Variants in CCDC148 observed in about 807,000 individuals in gnomAD.
The protein encoded by CCDC148 is coiled-coil domain-containing protein 148.
Under a neutral mutation model 85.7 loss-of-function variants are expected in CCDC148, and 89 were observed. That is an observed-to-expected ratio of 1.04 (90% CI 0.87 to 1.24). The LOEUF (loss-of-function observed/expected upper bound fraction) is 1.24, where lower values mean the gene tolerates loss of function less well. CCDC148 is among the 50% of genes most tolerant of loss of function. The probability of loss-of-function intolerance (pLI) is 0.00; values close to 1 mark genes in which losing one functional copy is unlikely to be tolerated. For missense variants in CCDC148, 692 were observed against 671.7 expected (o/e 1.03, Z -0.33); for synonymous variants, 230 against 213.9 (o/e 1.08, Z -0.66).
intron 1 of CCDC148, among the ~76,000 whole-genome samples, chr2:158,424,548 C>A (rs185694295): frequency 1.6e-4 from 25 of 151,946 alleles, no homozygotes; most frequent in Admixed American, 1.5e-3. Context: ...TGGGGAATAT[C>A]ACACACCAGG....
At chr2:158,177,628 T>G (rs1684657316) in intron 12 of CCDC148, among the ~76,000 whole-genome samples, 1 of 152,130 alleles carries the variant, frequency 6.6e-6, no homozygotes, top group African/African-American at 2.4e-5. Flanking sequence ...TGACATTAAG[T>G]CTTGTACCCA....
chr2:158,263,727 A>G (rs758738713), intron 9 of CCDC148, among the ~76,000 whole-genome samples: 40 of 152,154 alleles, frequency 2.6e-4, no homozygotes, highest in Non-Finnish European at 5.1e-4. Context: ...GCTGTGCTTA[A>G]AAATAAAATA....
intron 11 of CCDC148, among the ~76,000 whole-genome samples, chr2:158,185,174 A>G (rs901270793): frequency 4.6e-5 from 7 of 152,134 alleles, no homozygotes; most frequent in South Asian, 4.1e-4. Flanking sequence ...CCCAGCCCCT[A>G]TGGCCCTGAC....
intron 1 of CCDC148, among the ~76,000 whole-genome samples, chr2:158,382,504 CAT>C (rs1156826914): frequency 1.3e-5 from 2 of 152,166 alleles, no homozygotes; most frequent in Admixed American, 6.5e-5. Flanking sequence ...TCTTCTCTGA[CAT>C]ATGTATTAAC....
Position 158,378,570 on chromosome 2 carries a change from T to C in CCDC148, c.26-20000A>G, listed in dbSNP as rs141302987. 1.7e-3 allele frequency among the ~76,000 whole-genome samples: 254 copies of C among 152,236 alleles called. 1 individual carries two copies. Among genetic ancestry groups the C allele is most frequent in the African/African-American group, 5.9e-3 (244 of 41,572 alleles). ...TGAAAGAAAATGCCATCTAGGACTT[T>C]CATAGCCAGAGATGAAAAAACAATG... On this transcript the variant is annotated intron_variant, in intron 1 of 13. Coordinates refer to ENST00000283233, the MANE Select transcript of CCDC148 (RefSeq NM_138803.4).
chr2:158,217,435 C>T (rs1311431594), intron 11 of CCDC148, among the ~76,000 whole-genome samples: 1 of 150,060 alleles, frequency 6.7e-6, no homozygotes, highest in Non-Finnish European at 1.5e-5. Context: ...TGGCGTCTCG[C>T]TCTGTTGCCC....
intron 11 of CCDC148, among the ~76,000 whole-genome samples, chr2:158,202,823 G>GAGGGCCAGAT (rs1558978251): frequency 1.3e-5 from 2 of 152,194 alleles, no homozygotes; most frequent in Non-Finnish European, 2.9e-5. Context: ...AAAACAGGCA[G>GAGGGCCAGAT]AGGGCCAGAT....
At chr2:158,429,572 C>T (rs1687243730) in intron 1 of CCDC148, among the ~76,000 whole-genome samples, 1 of 152,026 alleles carries the variant, frequency 6.6e-6, no homozygotes, top group South Asian at 2.1e-4. Flanking sequence ...AAGAAGGAGC[C>T]AATAACATCC....
intron 9 of CCDC148, among the ~76,000 whole-genome samples, chr2:158,299,406 C>T (rs1248329378): frequency 6.6e-6 from 1 of 152,174 alleles, no homozygotes; most frequent in East Asian, 1.9e-4. Context: ...TAGTATCCTG[C>T]CCCCAAATTG....
intron 9 of CCDC148, among the ~76,000 whole-genome samples, chr2:158,284,059 AC>A (rs1690489771): frequency 6.9e-6 from 1 of 144,322 alleles, no homozygotes; most frequent in Non-Finnish European, 1.5e-5. Context: ...TCTCACTCAT[AC>A]GTGGGAATTG....
intron 7 of CCDC148, among the ~76,000 whole-genome samples, chr2:158,327,316 T>C (rs1328921135): frequency 6.6e-6 from 1 of 152,168 alleles, no homozygotes; most frequent in Non-Finnish European, 1.5e-5. Context: ...TCTGTTAAGA[T>C]TTAGTTGCAG....
rs567521020 is a variant in CCDC148 at position 158,245,688 on chromosome 2, G to A, written c.1251+5084C>T. On this transcript the variant is annotated intron_variant, in intron 10 of 13. Transcript: ENST00000283233. ...CAATAATGCAGAGAAATTTTTCTGT[G>A]ATTTAAGCTAGACAAAGAGCCACAT... Among the ~76,000 whole-genome samples, 82 of 152,222 alleles carry A rather than the reference G, an allele frequency of 5.4e-4. 1 individual carries two copies. The South Asian group carries it at 0.015, about 28-fold the overall frequency.
At chr2:158,423,899 T>C (rs1686936052) in intron 1 of CCDC148, among the ~76,000 whole-genome samples, 1 of 152,070 alleles carries the variant, frequency 6.6e-6, no homozygotes, top group Non-Finnish European at 1.5e-5. Flanking sequence ...CATCAAAAAG[T>C]GGGTGAAGGA....
At chr2:158,299,972 C>T (rs889918251) in intron 9 of CCDC148, among the ~76,000 whole-genome samples, 1 of 152,212 alleles carries the variant, frequency 6.6e-6, no homozygotes, top group African/African-American at 2.4e-5. Context: ...GCTAGAGAGA[C>T]AACGAGGAGC....
chr2:158,427,156 C>T (rs1687115533), intron 1 of CCDC148, among the ~76,000 whole-genome samples: 1 of 152,094 alleles, frequency 6.6e-6, no homozygotes, highest in African/African-American at 2.4e-5. Flanking sequence ...ATATAAGCCT[C>T]ATTTTAAAAG....
At chr2:158,405,910 G>A (rs555505757) in intron 1 of CCDC148, among the ~76,000 whole-genome samples, 10 of 73,250 alleles carry the variant, frequency 1.4e-4, no homozygotes, top group South Asian at 1.2e-3. Context: ...ATAAATGTAT[G>A]TGTATAAATA....
At chr2:158,405,217 T>G (rs1381758820) in intron 1 of CCDC148, among the ~76,000 whole-genome samples, 1 of 152,130 alleles carries the variant, frequency 6.6e-6, no homozygotes, top group Non-Finnish European at 1.5e-5. Context: ...TTGTATACAT[T>G]CTGACATTTT....
chr2:158,429,272 A>G (rs914807906), intron 1 of CCDC148, among the ~76,000 whole-genome samples: 1 of 152,100 alleles, frequency 6.6e-6, no homozygotes, highest in African/African-American at 2.4e-5. Flanking sequence ...GTACCCTATA[A>G]CTTAAAGTAT....
intron 1 of CCDC148, among the ~76,000 whole-genome samples, chr2:158,442,325 T>C (rs1454357706): frequency 6.6e-6 from 1 of 152,188 alleles, no homozygotes; most frequent in Non-Finnish European, 1.5e-5. Context: ...GTGCTGTTTT[T>C]CAACTGGAAT....
Sources: allele counts gnomAD v4.1 joint callset (sites outside exome capture counted in the v4.1 genomes callset), GRCh38; gene constraint gnomAD v4.1.1; transcripts MANE v1.5; gene names NCBI Gene and HGNC (gene_info 2026-07-23, HGNC 2026-07-21).